SRGAP3: variants seen among roughly 807,000 people sequenced by gnomAD.
The protein encoded by SRGAP3 is SLIT-ROBO Rho GTPase-activating protein 3.
A neutral mutation model predicts 121.1 loss-of-function variants in SRGAP3; 39 were observed. That is an observed-to-expected ratio of 0.32 (90% CI 0.25 to 0.42). The LOEUF (loss-of-function observed/expected upper bound fraction) is 0.42, where lower values mean the gene tolerates loss of function less well. SRGAP3 is among the 10% of genes least tolerant of loss of function. The probability of loss-of-function intolerance (pLI) is 1.00; values close to 1 mark genes in which losing one functional copy is unlikely to be tolerated. For missense variants in SRGAP3, 1,213 were observed against 1,470.6 expected, an observed-to-expected ratio of 0.82 and a Z score of 2.86; for synonymous variants, 601 against 570.0, an observed-to-expected ratio of 1.05 and a Z score of -0.77.
intron 1 of SRGAP3, among the ~76,000 whole-genome samples, chr3:9,154,377 G>T (rs1426033975): frequency 6.6e-6 from 1 of 152,024 alleles, no homozygotes; most frequent in African/African-American, 2.4e-5. Context: ...CAGGAGAGAG[G>T]GCCTGAGGAT....
chr3:9,058,429 C>T lies in SRGAP3; in HGVS notation c.845G>A (p.Arg282Gln), dbSNP rs764149843. Residue 282 changes from arginine to glutamine, a missense_variant, in exon 7 of 22, where the codon CGG becomes CAG. By Grantham distance (43) the Arg-to-Gln change is conservative. Around this residue, in one of 2 missense-constraint regions of SRGAP3, gnomAD observed 793 missense variants for 1,032.9 expected, o/e 0.77. Transcript: ENST00000383836. ...GFHASLARTF[R>Q]TYLSAEYNLE... ...GTTGTATTCAGCTGAGAGATAGGTC[C>T]GGAAGGTGCGGGCCAGGCTGGCATG... is the stretch of plus-strand genomic sequence containing the variant. The T allele has an allele frequency of 1.2e-6, 2 of 1,614,126 alleles. No individual in the cohort carries two copies. The highest frequency in any genetic ancestry group is 1.7e-6 in the Non-Finnish European group (2 of 1,180,032).
chr3:9,107,453 C>A (rs915539725), intron 2 of SRGAP3, among the ~76,000 whole-genome samples: 1 of 152,252 alleles, frequency 6.6e-6, no homozygotes, highest in Non-Finnish European at 1.5e-5. Flanking sequence ...TCTATTCCCA[C>A]TGGGGCCTGG....
chr3:9,252,163 T>C (rs1954032423), upstream of SRGAP3, among the ~76,000 whole-genome samples: 1 of 152,170 alleles, frequency 6.6e-6, no homozygotes, highest in African/African-American at 2.4e-5. Flanking sequence ...CTCGCTCCTC[T>C]TCCTTGCTTC....
intron 3 of SRGAP3, among the ~76,000 whole-genome samples, chr3:9,322,006 A>C (rs2324796): frequency 0.27 from 40,637 of 151,218 alleles, 6,490 homozygotes; most frequent in East Asian, 0.46. Flanking sequence ...TAAATGTTTA[A>C]AGAAGGAAAG....
At chr3:9,138,206 A>G (rs1949730402) in intron 1 of SRGAP3, among the ~76,000 whole-genome samples, 1 of 152,214 alleles carries the variant, frequency 6.6e-6, no homozygotes, top group East Asian at 1.9e-4. Flanking sequence ...TACCTGCTGT[A>G]TATTTGTCTA....
At chr3:9,138,680 G>A (rs1393352335) in intron 1 of SRGAP3, among the ~76,000 whole-genome samples, 1 of 152,124 alleles carries the variant, frequency 6.6e-6, no homozygotes, top group East Asian at 1.9e-4. Flanking sequence ...GATGCCACAA[G>A]TGGAAAATCC....
At chr3:9,164,325 C>T (rs939104459) in intron 1 of SRGAP3, among the ~76,000 whole-genome samples, 3 of 88,760 alleles carry the variant, frequency 3.4e-5, no homozygotes, top group African/African-American at 8.6e-5. Context: ...GAGTCTCACT[C>T]CATTCCCCAG....
chr3:9,009,458 A>G (rs951241405), intron 18 of SRGAP3, among the ~76,000 whole-genome samples: 3 of 152,232 alleles, frequency 2.0e-5, no homozygotes, highest in Admixed American at 6.5e-5. Flanking sequence ...GTTAAAAATT[A>G]TATTTTACAA....
At chr3:9,272,757 T>C (rs1954501232) in intron 3 of SRGAP3, among the ~76,000 whole-genome samples, 6 of 152,194 alleles carry the variant, frequency 3.9e-5, no homozygotes, top group Admixed American at 3.9e-4. Context: ...TAATTATTTT[T>C]TGTATATACC....
chr3:9,050,213 G>A (rs1009644151), intron 9 of SRGAP3, among the ~76,000 whole-genome samples: 2 of 152,144 alleles, frequency 1.3e-5, no homozygotes, highest in Non-Finnish European at 1.5e-5. Flanking sequence ...TGTCCTAGAG[G>A]CTCTCTATAG....
At position 9,162,899 on chromosome 3, in the gene SRGAP3, A is replaced by C. The variant is rs889758893; in HGVS notation, c.68-37982T>G. ...CAGTACAGCAGAGGCAGTGTCTGGC[A>C]GTGGATGAAGGTCGGGATTTGGAGG... On this transcript the variant is annotated intron_variant, in intron 1 of 21. Transcript: ENST00000383836. Among the ~76,000 whole-genome samples, 9 of 152,242 alleles carry C rather than the reference A, an allele frequency of 5.9e-5. No individual in the cohort carries two copies. The East Asian group carries it at 1.7e-3, about 29-fold the overall frequency.
chr3:9,324,742 G>A (rs553516603), intron 3 of SRGAP3, among the ~76,000 whole-genome samples: 109 of 151,830 alleles, frequency 7.2e-4, no homozygotes, highest in African/African-American at 2.6e-3. Context: ...CAGATCACGA[G>A]GTCAGGAGAT....
chr3:8,985,758 G>C lies in SRGAP3; in HGVS notation c.3061C>G (p.Pro1021Ala), dbSNP rs1424478423. 2 of 1,599,560 alleles carry C rather than the reference G, an allele frequency of 1.3e-6. No individual in the cohort carries two copies. The highest frequency in any genetic ancestry group is 1.7e-5 in the Admixed American group (1 of 60,008). Residue 1021 changes from proline (P) to alanine (A), a missense_variant, in exon 22 of 22, where the codon CCC (proline) becomes GCC (alanine). By Grantham distance (27) the Pro-to-Ala change is conservative (BLOSUM62 -1). Transcript: ENST00000383836. This position sits in a 1 kb window ranked among gnomAD's most constrained non-coding sequence, Gnocchi z 5.1. The part of the protein sequence containing the change: ...SPLHTIVIRD[P>A]DAAMRRSSSS... ...CTGCTGCGGCGCATGGCGGCATCGG[G>C]GTCGCGGATGACGATGGTGTGAAGG...
chr3:9,271,758 A>G (rs1954482566), intron 3 of SRGAP3, among the ~76,000 whole-genome samples: 1 of 152,246 alleles, frequency 6.6e-6, no homozygotes, highest in Non-Finnish European at 1.5e-5. Context: ...CTAAGAAAAA[A>G]GCACAGCGTG....
chr3:9,086,764 T>C (rs1560113889), intron 3 of SRGAP3, among the ~76,000 whole-genome samples: 2 of 130,494 alleles, frequency 1.5e-5, no homozygotes, highest in Non-Finnish European at 3.5e-5. Context: ...TACATATACA[T>C]ATAATATGTA....
At chr3:9,358,535 A>T (rs1226877508) in intron 1 of SRGAP3, among the ~76,000 whole-genome samples, 1 of 152,222 alleles carries the variant, frequency 6.6e-6, no homozygotes, top group Non-Finnish European at 1.5e-5. Flanking sequence ...CAGGCAAGCA[A>T]TCAGTTCTGC....
chr3:9,108,640 A>G (rs1322663334), intron 2 of SRGAP3, among the ~76,000 whole-genome samples: 2 of 152,136 alleles, frequency 1.3e-5, no homozygotes, highest in Non-Finnish European at 2.9e-5. Context: ...AATGTCTGCT[A>G]TGGGCAGTGG....
At chr3:9,179,700 G>A (rs559045300) in intron 1 of SRGAP3, among the ~76,000 whole-genome samples, 3 of 152,356 alleles carry the variant, frequency 2.0e-5, no homozygotes, top group African/African-American at 7.2e-5. Context: ...CAAGGAAACT[G>A]AGAGAATCAA....
Position 9,015,649 on chromosome 3 carries a change from C to T in SRGAP3, c.1761G>A (p.Leu587=). The change falls in exon 15 of 22, where the codon CTG becomes CTA. Residue 587 remains leucine, a synonymous_variant. Transcript: ENST00000383836. ...AGVLKLYFRG[L]ENPLFPKERF... ...TTTCCTTAGGAAAGAGTGGGTTTTC[C>T]AGTCCTCGGAAATACAGTTTTAAAA... 1 of 1,613,826 alleles carries T rather than the reference C, an allele frequency of 6.2e-7. No individual in the cohort carries two copies. The highest frequency in any genetic ancestry group is 1.3e-5 in the African/African-American group (1 of 74,902).
Sources: gnomAD v4.1 joint callset for allele counts (sites outside exome capture counted in the v4.1 genomes callset) on GRCh38, gnomAD v4.1.1 for gene constraint, gnomAD v4.1.1 regional missense constraint, Gnocchi (gnomAD v3.1) non-coding constraint, MANE v1.5 for transcripts, NCBI Gene and HGNC (gene_info 2026-07-23, HGNC 2026-07-21) for gene names.